The following ADAM11 variants were observed in gnomAD, a reference collection of about 807,000 sequenced individuals.
ADAM11 encodes disintegrin and metalloproteinase domain-containing protein 11.
In ADAM11, 49 loss-of-function variants were observed where a neutral mutation model predicts 119.1. The ratio of observed to expected loss-of-function variants is 0.41; its 90% confidence interval spans 0.33 to 0.52. The LOEUF is 0.52. Ranked by LOEUF, ADAM11 falls within the 20% of genes least tolerant of loss-of-function variation. The pLI is 0.20. For synonymous variants in ADAM11, 364 were observed against 408.0 expected, an observed-to-expected ratio of 0.89 and a Z score of 1.30; for missense variants, 777 against 1,047.5, an observed-to-expected ratio of 0.74 and a Z score of 3.56.
rs2145236750 is a variant in ADAM11 at position 44,775,325 on chromosome 17, G to A, written c.1320+14G>A. 2 of 1,613,658 alleles carry A rather than the reference G, an allele frequency of 1.2e-6. No homozygotes were observed. The highest frequency in any genetic ancestry group is 1.7e-6 in the Non-Finnish European group (2 of 1,179,950). ...AAGCCCCTCAAGGTACCAGCCCCGC[G>A]GCGGGGAGCATGGGAGCGGGCCCTG... On this transcript the variant is annotated intron_variant, in intron 15 of 26. Coordinates refer to ENST00000200557, the MANE Select transcript of ADAM11 (RefSeq NM_002390.6). This position sits in a 1 kb window ranked among gnomAD's most constrained non-coding sequence, Gnocchi z 7.5.
rs562516410 is a variant in ADAM11, at chr17:44,771,842, C to T, written c.543+11C>T. The T allele has an allele frequency of 1.9e-6, 3 of 1,598,612 alleles. No homozygotes were observed. The highest frequency in any genetic ancestry group is 1.7e-5 in the Admixed American group (1 of 58,274). ...TGGGGAGCCCCTCAGGTAAGCCCCA[C>T]ACAACCCCTTGCCATCCTCTCTGGT... On this transcript the variant is annotated intron_variant, in intron 6 of 26. Coordinates refer to ENST00000200557, the MANE Select transcript of ADAM11 (RefSeq NM_002390.6).
chr17:44,777,362 G>C lies in ADAM11; in HGVS notation c.1781+97G>C. On this transcript the variant is annotated intron_variant, in intron 21 of 26. Transcript: ENST00000200557. This position sits in a 1 kb window ranked among gnomAD's most constrained non-coding sequence, Gnocchi z 5.1. ...AGGTTCTCCCAGGAGGAGCCTGTCAGTCCCAATGGGCGGGCACGTGGCAAA... is the reference window on the plus strand; with the variant it reads ...AGGTTCTCCCAGGAGGAGCCTGTCACTCCCAATGGGCGGGCACGTGGCAAA... The C allele has an allele frequency of 1.3e-6, 2 of 1,525,370 alleles. No individual in the cohort carries two copies. Among genetic ancestry groups the C allele is most frequent in the Non-Finnish European group, 9.0e-7 (1 of 1,111,842 alleles). 94.5% of individuals were successfully genotyped at this position (1,525,370 alleles called of 1,614,324 possible).
At position 44,773,427 on chromosome 17, in the gene ADAM11, C is replaced by T. The variant is rs2049554704; in HGVS notation, c.992C>T (p.Ser331Leu). 1.2e-6 allele frequency: 2 copies of T among 1,612,306 alleles called. No homozygotes were observed. Among genetic ancestry groups the T allele is most frequent in the Non-Finnish European group, 1.7e-6 (2 of 1,179,244 alleles). ...CCCAGTGATGCCACCCACCTCTTCT[C>T]GTGAGTCCCCCACCCTGCACCTCCT... ...PEPSDATHLF[S>L]GRTFQSTSSG... The change falls in exon 11 of 27, where the codon TCG becomes TTG. Residue 331 changes from serine to leucine, a missense_variant and splice_region_variant. Physicochemically the swap from Ser to Leu is moderately radical, Grantham distance 145. Transcript: ENST00000200557. This position sits in a 1 kb window ranked among gnomAD's most constrained non-coding sequence, Gnocchi z 4.6.
At position 44,776,261 on chromosome 17, in the gene ADAM11, T is replaced by G; in HGVS notation, c.1566+54T>G. ...CCCTGGGCGAGGCAACCCCTACCCT[T>G]GTCGATTTGGTTTTCCCGGACGAGT... On this transcript the variant is annotated intron_variant, in intron 18 of 26. Coordinates refer to ENST00000200557, the MANE Select transcript of ADAM11 (RefSeq NM_002390.6). The surrounding 1 kb of genome is among the most constrained non-coding windows in gnomAD (Gnocchi z 5.2). 6.3e-7 allele frequency: 1 copy of G among 1,598,646 alleles called. No individual in the cohort carries two copies. Among genetic ancestry groups the G allele is most frequent in the South Asian group, 1.1e-5 (1 of 90,494 alleles).
Position 44,773,280 on chromosome 17 carries a change from A to G in ADAM11, c.845A>G (p.Asn282Ser), listed in dbSNP as rs1188103245. 6.2e-7 allele frequency: 1 copy of G among 1,614,020 alleles called. No individual in the cohort carries two copies. Among genetic ancestry groups the G allele is most frequent in the Non-Finnish European group, 8.5e-7 (1 of 1,179,960 alleles). ...LADVIYKEQL[N>S]TRIVLVAMET... ...CCCCAGATATACAAGGAGCAGCTCAACACTCGCATCGTCCTGGTTGCCATG... is the reference window on the plus strand; with the variant it reads ...CCCCAGATATACAAGGAGCAGCTCAGCACTCGCATCGTCCTGGTTGCCATG... The change falls in exon 11 of 27, where the codon AAC (asparagine) becomes AGC (serine). Residue 282 changes from asparagine to serine, a missense_variant. By Grantham distance (46) the Asn-to-Ser change is conservative. This residue lies in a region of ADAM11 where 147 missense variants were observed against 223.3 expected (regional missense o/e 0.66). Transcript: ENST00000200557. The surrounding 1 kb of genome is among the most constrained non-coding windows in gnomAD (Gnocchi z 4.6).
At chr17:44,767,036 C>A (rs2049458794) in intron 2 of ADAM11, among the ~76,000 whole-genome samples, 1 of 152,006 alleles carries the variant, frequency 6.6e-6, no homozygotes, top group African/African-American at 2.4e-5. Flanking sequence ...GAGATCCCAT[C>A]TCTTAAAAAA....
Position 44,777,572 on chromosome 17 carries a change from C to G in ADAM11, c.1872C>G (p.Phe624Leu), listed in dbSNP as rs375583026. 3.1e-6 allele frequency: 5 copies of G among 1,614,176 alleles called. No individual in the cohort carries two copies. The East Asian group carries it at 8.9e-5, about 29-fold the overall frequency. ...TGGGAGACATCAGTAGTGTCACCTT[C>G]TACCACCAGGGCAAGGAGCTGGACT... is the stretch of plus-strand genomic sequence containing the variant. The part of the protein sequence containing the change: ...DLVGDISSVT[F>L]YHQGKELDCR... Residue 624 changes from phenylalanine (F) to leucine (L), a missense_variant, in exon 22 of 27, where the codon TTC (phenylalanine) becomes TTG (leucine). Physicochemically the swap from Phe to Leu is conservative, Grantham distance 22 (BLOSUM62 0). This residue lies in a region of ADAM11 where 348 missense variants were observed against 486.7 expected (regional missense o/e 0.72). Coordinates refer to ENST00000200557, the MANE Select transcript of ADAM11 (RefSeq NM_002390.6). The surrounding 1 kb of genome is among the most constrained non-coding windows in gnomAD (Gnocchi z 5.1).
chr17:44,780,293 G>C lies in ADAM11; in HGVS notation c.*539G>C. On this transcript the variant is annotated 3_prime_UTR_variant, in exon 27 of 27. Transcript: ENST00000200557. The stretch of plus-strand genomic sequence containing the variant: ...TACAGGAGGGCCCGGAGAAACTGAG[G>C]TATGGCCATGCCCTAGACCCTCCCC... 2 of 397,652 alleles carry C rather than the reference G, an allele frequency of 5.0e-6. No homozygotes were observed. Among genetic ancestry groups the C allele is most frequent in the Non-Finnish European group, 9.8e-6 (2 of 204,808 alleles). The allele number at this position is 397,652 out of a possible 1,614,324, so 24.6% of individuals were successfully genotyped here.
At chr17:44,765,782 G>A (rs745804299) in intron 2 of ADAM11, among the ~76,000 whole-genome samples, 40 of 151,884 alleles carry the variant, frequency 2.6e-4, no homozygotes, top group Non-Finnish European at 4.7e-4. Context: ...CACCACACCC[G>A]GCTAATTTCT....
chr17:44,763,862 G>A (rs528755345), intron 2 of ADAM11, among the ~76,000 whole-genome samples: 15 of 151,894 alleles, frequency 9.9e-5, no homozygotes, highest in African/African-American at 2.2e-4. Context: ...GATTACAGGC[G>A]TGCACCACCA....
chr17:44,767,034 A>G (rs756985118), intron 2 of ADAM11, among the ~76,000 whole-genome samples: 3 of 152,048 alleles, frequency 2.0e-5, no homozygotes, highest in Non-Finnish European at 4.4e-5. Context: ...GTGAGATCCC[A>G]TCTCTTAAAA....
At chr17:44,759,986 T>G (rs1355378954) in intron 2 of ADAM11, 89 bp downstream of exon 2, 2 of 1,195,352 alleles carry the variant, frequency 1.7e-6, no homozygotes, top group African/African-American at 3.2e-5. Flanking sequence ...GGAGTCCCCC[T>G]CAGCAGCTGC....
At position 44,775,772 on chromosome 17, in the gene ADAM11, T is replaced by G; in HGVS notation, c.1485+96T>G. The G allele has an allele frequency of 7.6e-7, 1 of 1,321,370 alleles. No homozygotes were observed. The highest frequency in any genetic ancestry group is 2.6e-4 in the Middle Eastern group (1 of 3,894). The allele number at this position is 1,321,370 out of a possible 1,614,324, so 81.9% of individuals were successfully genotyped here. ...GGGAGCTAGGGAGGGAAGCGGAGCC[T>G]TCGGGGACGAAGGCCTCTGGGGCAG... On this transcript the variant is annotated intron_variant, in intron 17 of 26. Transcript: ENST00000200557. This position sits in a 1 kb window ranked among gnomAD's most constrained non-coding sequence, Gnocchi z 7.5.
chr17:44,780,600 C>A lies in ADAM11; in HGVS notation c.*846C>A. On this transcript the variant is annotated 3_prime_UTR_variant, in exon 27 of 27. Coordinates refer to ENST00000200557, the MANE Select transcript of ADAM11 (RefSeq NM_002390.6). ...TATAGTTCCTATAATAAAATGGCAC[C>A]TTCCCCCTTTCAAGAAGGGTGATTC... The A allele has an allele frequency of 5.8e-6, 1 of 171,204 alleles. No homozygotes were observed. The highest frequency in any genetic ancestry group is 1.4e-4 in the South Asian group (1 of 7,322). 10.6% of individuals were successfully genotyped at this position (171,204 alleles called of 1,614,324 possible).
At position 44,777,333 on chromosome 17, in the gene ADAM11, C is replaced by G; in HGVS notation, c.1781+68C>G. The G allele has an allele frequency of 2.6e-6, 4 of 1,544,326 alleles. No homozygotes were observed. The highest frequency in any genetic ancestry group is 3.5e-6 in the Non-Finnish European group (4 of 1,133,956). The stretch of plus-strand genomic sequence containing the variant: ...GGTGTGAGACTTTTCAGAGATGGGG[C>G]AGCAGGTTCTCCCAGGAGGAGCCTG... On this transcript the variant is annotated intron_variant, in intron 21 of 26. Transcript: ENST00000200557. The surrounding 1 kb of genome is among the most constrained non-coding windows in gnomAD (Gnocchi z 5.1).
In ADAM11 at chr17:44,772,378, C is replaced by T. The variant is rs572942832; in HGVS notation, c.611-21C>T. 6.3e-6 allele frequency: 10 copies of T among 1,579,254 alleles called. No individual in the cohort carries two copies. The African/African-American group carries it at 6.7e-5, about 11-fold the overall frequency. ...GTGGGGAGGGGCCGGCTGTGCCCCC[C>T]TCACCTGCCCCTCCCCACAGGCTGC... is the stretch of plus-strand genomic sequence containing the variant. On this transcript the variant is annotated intron_variant, in intron 7 of 26. Coordinates refer to ENST00000200557, the MANE Select transcript of ADAM11 (RefSeq NM_002390.6). The surrounding 1 kb of genome is among the most constrained non-coding windows in gnomAD (Gnocchi z 4.5).
In ADAM11 at chr17:44,774,438, C is replaced by T. The variant is rs1436904512; in HGVS notation, c.1078-54C>T. On this transcript the variant is annotated intron_variant, in intron 12 of 26. Coordinates refer to ENST00000200557, the MANE Select transcript of ADAM11 (RefSeq NM_002390.6). ...CTGAGGGAAAGGGGCTTCAGGGGCA[C>T]GACGTGCCTGTTGGAAGATGTAGAC... 5.0e-6 allele frequency: 8 copies of T among 1,588,826 alleles called. No homozygotes were observed. The East Asian group carries it at 1.4e-4, about 28-fold the overall frequency.
intron 6 of ADAM11, 95 bp downstream of exon 6, chr17:44,771,926 C>T: frequency 7.2e-7 from 1 of 1,388,828 alleles, no homozygotes; most frequent in Non-Finnish European, 1.0e-6. Flanking sequence ...TCCGGCTCCT[C>T]CCTCAGTAAC....
At position 44,775,543 on chromosome 17, in the gene ADAM11, A is replaced by G. The variant is rs371468916; in HGVS notation, c.1393-41A>G. 4.9e-5 allele frequency: 76 copies of G among 1,562,560 alleles called. No homozygotes were observed. The African/African-American group carries it at 9.1e-4, about 19-fold the overall frequency. ...GAGGGAGCGTCTGAGTGGGAGGATT[A>G]GGGCTCGCCCGCCTCCTTCCCCTCC... On this transcript the variant is annotated intron_variant, in intron 16 of 26. Transcript: ENST00000200557. The surrounding 1 kb of genome is among the most constrained non-coding windows in gnomAD (Gnocchi z 7.5).
Sources: gnomAD v4.1 joint callset for allele counts (sites outside exome capture counted in the v4.1 genomes callset) on GRCh38, gnomAD v4.1.1 for gene constraint, gnomAD v4.1.1 regional missense constraint, Gnocchi (gnomAD v3.1) non-coding constraint, MANE v1.5 for transcripts, NCBI Gene and HGNC (gene_info 2026-07-23, HGNC 2026-07-21) for gene names.